OSBPL6: variants seen among roughly 807,000 people sequenced by gnomAD.
OSBPL6 encodes the protein oxysterol binding protein like 6, also known as oxysterol-binding protein-related protein 6.
In OSBPL6, 49 loss-of-function variants were observed where a neutral mutation model predicts 125.8. The ratio of observed to expected loss-of-function variants is 0.39; its 90% confidence interval spans 0.31 to 0.49. The LOEUF (loss-of-function observed/expected upper bound fraction) is 0.49. Among genes scored for constraint, OSBPL6 ranks in the 20% least tolerant of loss-of-function variants. The pLI is 0.88. For synonymous variants in OSBPL6, 394 were observed against 391.8 expected (o/e 1.01, Z -0.07); for missense variants, 986 against 1,135.4 (o/e 0.87, Z 1.89).
At chr2:178,204,311 A>G (rs1389311088) in intron 1 of OSBPL6, among the ~76,000 whole-genome samples, 2 of 152,058 alleles carry the variant, frequency 1.3e-5, no homozygotes, top group African/African-American at 4.8e-5. Context: ...GGTGTGAGCC[A>G]CCCTGCCCGG....
chr2:178,394,141 G>A (rs1216135505), intron 23 of OSBPL6, among the ~76,000 whole-genome samples, 172 bp from the exon 24 acceptor site: 1 of 152,204 alleles, frequency 6.6e-6, no homozygotes, highest in Non-Finnish European at 1.5e-5. Context: ...AGAGGTTGCA[G>A]TGAGCTGAGA....
chr2:178,263,592 G>A (rs2092131866), intron 1 of OSBPL6, among the ~76,000 whole-genome samples: 1 of 152,174 alleles, frequency 6.6e-6, no homozygotes, highest in South Asian at 2.1e-4. Context: ...CTTGTACAAA[G>A]TGACACACAT....
chr2:178,392,689 C>A, intron 23 of OSBPL6, 151 bp downstream of exon 23: 2 of 1,050,438 alleles, frequency 1.9e-6, no homozygotes, highest in African/African-American at 1.6e-5. Flanking sequence ...GACTCTATAT[C>A]TCTAAAAAAA....
intron 2 of OSBPL6, among the ~76,000 whole-genome samples, chr2:178,301,025 A>C (rs334615): frequency 6.6e-6 from 1 of 152,044 alleles, no homozygotes; most frequent in African/African-American, 2.4e-5. Flanking sequence ...TTATTAGTTA[A>C]AACATTAAAT....
intron 1 of OSBPL6, among the ~76,000 whole-genome samples, chr2:178,269,088 A>G (rs929364839): frequency 6.6e-6 from 1 of 152,322 alleles, no homozygotes; most frequent in East Asian, 1.9e-4. Context: ...AGGCCAGGGT[A>G]TAGCTCTCTG....
chr2:178,204,025 CTTTTTTTT>C (rs1166160655), intron 1 of OSBPL6, among the ~76,000 whole-genome samples: 1 of 129,004 alleles, frequency 7.8e-6, no homozygotes, highest in Non-Finnish European at 1.6e-5. Flanking sequence ...TTTTCTTTTT[CTTTTTTTT>C]TTTTTTTTTT....
At chr2:178,328,441 A>G in intron 5 of OSBPL6, 63 bp downstream of exon 5, 3 of 1,574,820 alleles carry the variant, frequency 1.9e-6, no homozygotes, top group Middle Eastern at 1.7e-4. Context: ...CTTATTTGCT[A>G]TCATGGGGTG....
At chr2:178,226,205 C>T (rs2090554982) in intron 1 of OSBPL6, among the ~76,000 whole-genome samples, 2 of 152,200 alleles carry the variant, frequency 1.3e-5, no homozygotes, top group Non-Finnish European at 2.9e-5. Context: ...TTCGTTTCTT[C>T]TGGCTCTCAC....
chr2:178,308,802 AC>A (rs1687007922), intron 3 of OSBPL6, among the ~76,000 whole-genome samples: 1 of 147,196 alleles, frequency 6.8e-6, no homozygotes, highest in South Asian at 2.1e-4. Flanking sequence ...TTCTATTCCC[AC>A]TGTCAGCTCC....
At chr2:178,305,198 C>T (rs1421702124) in intron 2 of OSBPL6, among the ~76,000 whole-genome samples, 2 of 152,176 alleles carry the variant, frequency 1.3e-5, no homozygotes, top group Non-Finnish European at 2.9e-5. Flanking sequence ...CTTTAATTGT[C>T]TATCTTTTGG....
chr2:178,266,344 G>A (rs1477836094), intron 1 of OSBPL6, among the ~76,000 whole-genome samples: 1 of 152,198 alleles, frequency 6.6e-6, no homozygotes, highest in Non-Finnish European at 1.5e-5. Flanking sequence ...GACTTACAGT[G>A]ATTGCACCCA....
At chr2:178,220,944 T>C (rs894447826) in intron 1 of OSBPL6, among the ~76,000 whole-genome samples, 1 of 152,164 alleles carries the variant, frequency 6.6e-6, no homozygotes, top group Non-Finnish European at 1.5e-5. Context: ...TGAAAGCATC[T>C]GAAAAAAATC....
At chr2:178,202,910 TTA>T (rs759396022) in intron 1 of OSBPL6, among the ~76,000 whole-genome samples, 12 of 152,288 alleles carry the variant, frequency 7.9e-5, no homozygotes, top group Non-Finnish European at 1.5e-4. Context: ...GTGGTTTTCT[TTA>T]TGTCTTTTGT....
At chr2:178,307,773 G>T (rs578105951) in intron 3 of OSBPL6, among the ~76,000 whole-genome samples, 4 of 152,238 alleles carry the variant, frequency 2.6e-5, no homozygotes, top group Non-Finnish European at 5.9e-5. Context: ...CTTCCTGACT[G>T]CTGGGAAGAA....
At chr2:178,201,605 A>G (rs1237709608) in intron 1 of OSBPL6, among the ~76,000 whole-genome samples, 2 of 152,180 alleles carry the variant, frequency 1.3e-5, no homozygotes, top group Admixed American at 6.5e-5. Flanking sequence ...TTCCAGCATT[A>G]CCCAAATCAC....
chr2:178,267,450 C>T (rs1036498006), intron 1 of OSBPL6, among the ~76,000 whole-genome samples: 2 of 151,834 alleles, frequency 1.3e-5, no homozygotes, highest in African/African-American at 4.8e-5. Context: ...CTTCACTTCT[C>T]CCATACTCTT....
chr2:178,318,856 C>T (rs116238525), intron 3 of OSBPL6, among the ~76,000 whole-genome samples: 104 of 152,314 alleles, frequency 6.8e-4, no homozygotes, highest in Non-Finnish European at 1.1e-3. Context: ...CATGGGAATG[C>T]GTAAGATTCC....
chr2:178,285,644 T>C (rs1201705685), intron 2 of OSBPL6, among the ~76,000 whole-genome samples: 1 of 152,218 alleles, frequency 6.6e-6, no homozygotes, highest in African/African-American at 2.4e-5. Flanking sequence ...TCTTTGATAT[T>C]TGTGGTTATT....
chr2:178,322,929 A>G (rs938377256), intron 3 of OSBPL6, among the ~76,000 whole-genome samples: 3 of 151,848 alleles, frequency 2.0e-5, no homozygotes, highest in Non-Finnish European at 4.4e-5. Flanking sequence ...AAAAAAAAAA[A>G]AAAAAACCTT....
Sources: gnomAD v4.1 joint callset for allele counts (sites outside exome capture counted in the v4.1 genomes callset) on GRCh38, gnomAD v4.1.1 for gene constraint, MANE v1.5 for transcripts, NCBI Gene and HGNC (gene_info 2026-07-23, HGNC 2026-07-21) for gene names.